ACOXL: variants seen among roughly 807,000 people sequenced by gnomAD.
The protein encoded by ACOXL is acyl-CoA oxidase like.
A neutral mutation model predicts 71.9 loss-of-function variants in ACOXL; 70 were observed. The observed-to-expected ratio is 0.97, with a 90% confidence interval of 0.80 to 1.19. The LOEUF (loss-of-function observed/expected upper bound fraction) is 1.19. ACOXL is among the 50% of genes most tolerant of loss of function. The probability of loss-of-function intolerance (pLI) is 0.00; values close to 1 mark genes in which losing one functional copy is unlikely to be tolerated. For synonymous variants in ACOXL, 253 were observed against 281.6 expected (o/e 0.90, Z 1.02); for missense variants, 703 against 736.3 (o/e 0.95, Z 0.52).
chr2:111,007,163 A>G (rs1467910415), intron 14 of ACOXL, among the ~76,000 whole-genome samples: 2 of 152,230 alleles, frequency 1.3e-5, no homozygotes, highest in South Asian at 2.1e-4. Context: ...ATTTACAGAT[A>G]GGCAACCTAG....
chr2:110,775,605 A>C (rs1158847111), intron 2 of ACOXL, among the ~76,000 whole-genome samples: 1 of 152,248 alleles, frequency 6.6e-6, no homozygotes, highest in Non-Finnish European at 1.5e-5. Flanking sequence ...ATAGTTCTTC[A>C]AAGATAAACA....
At chr2:110,977,329 T>C (rs1404191222) in intron 12 of ACOXL, among the ~76,000 whole-genome samples, 2 of 150,058 alleles carry the variant, frequency 1.3e-5, no homozygotes, top group African/African-American at 4.9e-5. Context: ...GAGCTTGCAG[T>C]GAGCCGAGAT....
chr2:110,924,910 G>C (rs753082087), intron 11 of ACOXL, among the ~76,000 whole-genome samples: 5 of 152,066 alleles, frequency 3.3e-5, no homozygotes, highest in Non-Finnish European at 7.4e-5. Flanking sequence ...TAAATAATAA[G>C]ACTTGAAAGT....
intron 10 of ACOXL, among the ~76,000 whole-genome samples, chr2:110,869,750 TTGGCCCTCAG>T (rs1480349703): frequency 6.6e-6 from 1 of 152,248 alleles, no homozygotes; most frequent in Non-Finnish European, 1.5e-5. Context: ...CTGTGCTCTC[TTGGCCCTCAG>T]CCACCTTGGA....
chr2:111,095,099 G>A (rs768587638), intron 17 of ACOXL, among the ~76,000 whole-genome samples: 9 of 152,032 alleles, frequency 5.9e-5, no homozygotes, highest in South Asian at 2.1e-4. Context: ...AGACTTTACC[G>A]CTTGATGTGA....
intron 12 of ACOXL, among the ~76,000 whole-genome samples, chr2:110,972,093 CCTT>C (rs1352384730): frequency 6.6e-6 from 1 of 152,250 alleles, no homozygotes; most frequent in Admixed American, 6.5e-5. Flanking sequence ...AACAGGGACT[CCTT>C]GTTGTTTATC....
At chr2:110,751,269 C>A (rs1232544643) in intron 1 of ACOXL, among the ~76,000 whole-genome samples, 1 of 148,320 alleles carries the variant, frequency 6.7e-6, no homozygotes, top group Non-Finnish European at 1.5e-5. Context: ...CCACTGCACT[C>A]CAGCCTGGGC....
At chr2:110,773,404 G>T (rs1015871064) in intron 2 of ACOXL, among the ~76,000 whole-genome samples, 4 of 152,196 alleles carry the variant, frequency 2.6e-5, no homozygotes, top group African/African-American at 9.6e-5. Flanking sequence ...TAAGCCCTGA[G>T]TGTGTTGTGC....
intron 2 of ACOXL, among the ~76,000 whole-genome samples, chr2:110,781,941 C>A (rs967266558): frequency 1.3e-4 from 20 of 152,174 alleles, no homozygotes; most frequent in Non-Finnish European, 1.5e-4. Flanking sequence ...TGATCTGTTA[C>A]ATCAAGTGCT....
At chr2:111,020,254 C>T (rs574723816) in intron 14 of ACOXL, among the ~76,000 whole-genome samples, 17 of 152,314 alleles carry the variant, frequency 1.1e-4, no homozygotes, top group Admixed American at 2.0e-4. Context: ...CATTGCCTGA[C>T]CAGGCTCCCC....
chr2:110,780,014 A>G (rs1355537572), intron 2 of ACOXL, among the ~76,000 whole-genome samples: 1 of 152,258 alleles, frequency 6.6e-6, no homozygotes, highest in Non-Finnish European at 1.5e-5. Flanking sequence ...GAGAATAAAA[A>G]GGCAATGTAC....
intron 9 of ACOXL, among the ~76,000 whole-genome samples, chr2:110,815,847 G>A (rs1317410316): frequency 6.6e-6 from 1 of 152,148 alleles, no homozygotes; most frequent in Non-Finnish European, 1.5e-5. Context: ...TCTTGCTTGG[G>A]GTGCCTCACC....
At chr2:111,008,001 A>T (rs2063956859) in intron 14 of ACOXL, among the ~76,000 whole-genome samples, 1 of 152,210 alleles carries the variant, frequency 6.6e-6, no homozygotes, top group Non-Finnish European at 1.5e-5. Context: ...TGTACACAAC[A>T]AGTAGTTTCA....
intron 1 of ACOXL, among the ~76,000 whole-genome samples, chr2:110,746,635 T>C (rs1678253455): frequency 6.6e-6 from 1 of 152,140 alleles, no homozygotes; most frequent in African/African-American, 2.4e-5. Flanking sequence ...CGTAGACGCC[T>C]GCAGAATTGG....
intron 17 of ACOXL, among the ~76,000 whole-genome samples, chr2:111,112,432 G>A (rs2070049435): frequency 6.6e-6 from 1 of 152,230 alleles, no homozygotes; most frequent in Admixed American, 6.5e-5. Context: ...CCTCGTGTGA[G>A]TGTTTCAGGT....
At chr2:111,012,770 A>G (rs2064228263) in intron 14 of ACOXL, among the ~76,000 whole-genome samples, 1 of 152,198 alleles carries the variant, frequency 6.6e-6, no homozygotes, top group Admixed American at 6.5e-5. Flanking sequence ...TGAAAACACA[A>G]CATACTAAAT....
At chr2:111,108,446 T>C (rs944525758) in intron 17 of ACOXL, among the ~76,000 whole-genome samples, 2 of 134,420 alleles carry the variant, frequency 1.5e-5, no homozygotes, top group Non-Finnish European at 3.1e-5. Flanking sequence ...TGGCACAATC[T>C]TGGCTCACCT....
intron 2 of ACOXL, among the ~76,000 whole-genome samples, chr2:110,769,912 A>C (rs183819682): frequency 1.3e-3 from 194 of 152,118 alleles, no homozygotes; most frequent in African/African-American, 4.4e-3. Flanking sequence ...ATGGTGGCCC[A>C]CACCTGTAGT....
chr2:110,740,987 T>C (rs1296853937), intron 1 of ACOXL, among the ~76,000 whole-genome samples: 2 of 152,212 alleles, frequency 1.3e-5, no homozygotes, highest in Admixed American at 6.5e-5. Flanking sequence ...GATCTTGCCC[T>C]TTTTTGAAGG....
Sources: gnomAD v4.1 joint callset for allele counts (sites outside exome capture counted in the v4.1 genomes callset) on GRCh38, gnomAD v4.1.1 for gene constraint, MANE v1.5 for transcripts, NCBI Gene and HGNC (gene_info 2026-07-23, HGNC 2026-07-21) for gene names.